Variants in NELL1 observed in about 807,000 individuals in gnomAD.
The protein encoded by NELL1 is protein kinase C-binding protein NELL1.
NELL1 carries 76 observed loss-of-function variants against 107.4 expected under a neutral mutation model. That is an observed-to-expected ratio of 0.71 (90% CI 0.59 to 0.86). The LOEUF (loss-of-function observed/expected upper bound fraction) is 0.86. Ranked by LOEUF, NELL1 falls within the 40% of genes least tolerant of loss-of-function variation. The pLI is 0.00. For missense variants in NELL1, 1,024 were observed against 1,005.5 expected (o/e 1.02, Z -0.25); for synonymous variants, 353 against 341.2 (o/e 1.03, Z -0.38).
At chr11:21,172,019 A>T (rs1230988182) in intron 13 of NELL1, among the ~76,000 whole-genome samples, 1 of 151,890 alleles carries the variant, frequency 6.6e-6, no homozygotes, top group Admixed American at 6.5e-5. Context: ...ACTTATGATT[A>T]TCTGGTTTTC....
intron 14 of NELL1, among the ~76,000 whole-genome samples, chr11:21,355,185 C>A (rs1018434189): frequency 6.6e-6 from 1 of 152,172 alleles, no homozygotes; most frequent in Non-Finnish European, 1.5e-5. Flanking sequence ...AATGTCCCAT[C>A]ATTTTCCTTG....
rs368022598 is a variant in NELL1, at chr11:21,542,092, A to C, written c.1786+7578A>C. ...AGATGTTATTTTCATTAACCGAACA[A>C]CTACATGATGTGCTAGACACAGAAC... On this transcript the variant is annotated intron_variant, in intron 16 of 19. Transcript: ENST00000357134. Among the ~76,000 whole-genome samples the C allele has an allele frequency of 4.9e-4, 74 of 152,186 alleles. No individual in the cohort carries two copies. The East Asian group carries it at 8.6e-3, about 18-fold the overall frequency.
chr11:20,800,958 A>C (rs1857270123), intron 3 of NELL1, among the ~76,000 whole-genome samples: 1 of 152,198 alleles, frequency 6.6e-6, no homozygotes. Flanking sequence ...ATTAAAAAAA[A>C]CAAACAAACC....
At chr11:21,021,116 A>G (rs1852690514) in intron 12 of NELL1, among the ~76,000 whole-genome samples, 1 of 151,954 alleles carries the variant, frequency 6.6e-6, no homozygotes, top group Non-Finnish European at 1.5e-5. Context: ...CCACAGAGAA[A>G]CAGAGATGAT....
intron 2 of NELL1, among the ~76,000 whole-genome samples, chr11:20,732,635 G>A (rs139898617): frequency 1.3e-5 from 2 of 152,266 alleles, no homozygotes; most frequent in Non-Finnish European, 2.9e-5. Context: ...GAAAGGCTGA[G>A]AAGTGGGGGA....
intron 2 of NELL1, among the ~76,000 whole-genome samples, chr11:20,771,496 G>T (rs1186556876): frequency 1.3e-5 from 2 of 152,160 alleles, no homozygotes; most frequent in Non-Finnish European, 2.9e-5. Flanking sequence ...TTTTCCTGTG[G>T]TTTGACATAT....
intron 14 of NELL1, among the ~76,000 whole-genome samples, chr11:21,261,393 A>C (rs1848528309): frequency 6.6e-6 from 1 of 151,542 alleles, no homozygotes; most frequent in Non-Finnish European, 1.5e-5. Context: ...TCCCCTCTAC[A>C]TGTCCTGTTG....
chr11:21,036,870 A>G (rs1853105771), intron 12 of NELL1, among the ~76,000 whole-genome samples: 2 of 152,118 alleles, frequency 1.3e-5, no homozygotes, highest in Admixed American at 6.6e-5. Context: ...TTTTAAAAAC[A>G]TGAAAAACAT....
intron 15 of NELL1, among the ~76,000 whole-genome samples, chr11:21,476,741 C>T (rs1461792133): frequency 6.6e-6 from 1 of 152,102 alleles, no homozygotes; most frequent in East Asian, 1.9e-4. Flanking sequence ...ACCCGTCCCT[C>T]ATCCCCAGGT....
intron 15 of NELL1, among the ~76,000 whole-genome samples, chr11:21,416,538 T>G (rs1344600706): frequency 6.6e-6 from 1 of 152,146 alleles, no homozygotes; most frequent in Non-Finnish European, 1.5e-5. Context: ...AAAACAAGAC[T>G]AGAATTCTTT....
intron 15 of NELL1, among the ~76,000 whole-genome samples, chr11:21,462,458 A>C (rs529362030): frequency 6.6e-6 from 1 of 152,076 alleles, no homozygotes; most frequent in African/African-American, 2.4e-5. Context: ...CCCCCTCTAC[A>C]ATGTGGCATT....
Position 21,017,764 on chromosome 11 carries a change from T to TGCAA in NELL1, c.1300+57204_1300+57205insGCAA, listed in dbSNP as rs1852602594. 3.9e-5 allele frequency among the ~76,000 whole-genome samples: 6 copies of TGCAA among 152,234 alleles called. No individual in the cohort carries two copies. In the South Asian group the frequency reaches 1.2e-3, roughly 32 times the overall value. On this transcript the variant is annotated intron_variant, in intron 12 of 19. Coordinates refer to ENST00000357134, the MANE Select transcript of NELL1 (RefSeq NM_006157.5). Reference sequence around the variant, plus strand: ...TCCATTCCTTATTTTATTAGAGGAATACTATTTCTAAATGCAAACTTGATC... The same window carrying TGCAA: ...TCCATTCCTTATTTTATTAGAGGAATGCAAACTATTTCTAAATGCAAACTTGATC...
intron 15 of NELL1, among the ~76,000 whole-genome samples, chr11:21,463,146 A>G (rs1853942467): frequency 6.6e-6 from 1 of 152,064 alleles, no homozygotes; most frequent in African/African-American, 2.4e-5. Context: ...GTCTCTATCC[A>G]GTGGTGAGAC....
Position 20,864,243 on chromosome 11 carries a change from T to C in NELL1, c.506+16490T>C, listed in dbSNP as rs910668606. On this transcript the variant is annotated intron_variant, in intron 4 of 19. Coordinates refer to ENST00000357134, the MANE Select transcript of NELL1 (RefSeq NM_006157.5). ...TAGAGCAGGCTGTTTGAAATATATA[T>C]ACATTGTGGAATGGTTAGAACTAGC... 4.6e-5 allele frequency among the ~76,000 whole-genome samples: 7 copies of C among 152,340 alleles called. No homozygotes were observed. In the South Asian group the frequency reaches 1.2e-3, roughly 27 times the overall value.
chr11:21,004,759 A>G (rs1279840596), intron 12 of NELL1, among the ~76,000 whole-genome samples: 1 of 152,114 alleles, frequency 6.6e-6, no homozygotes, highest in Non-Finnish European at 1.5e-5. Flanking sequence ...ATAAAATTAG[A>G]GTGGCAGCAT....
chr11:21,544,617 C>T (rs1856384884), intron 16 of NELL1, among the ~76,000 whole-genome samples: 1 of 151,908 alleles, frequency 6.6e-6, no homozygotes, highest in African/African-American at 2.4e-5. Context: ...CATTTCTTTA[C>T]TCACTTTATC....
At chr11:21,520,881 G>A (rs1564938001) in intron 15 of NELL1, among the ~76,000 whole-genome samples, 1 of 152,040 alleles carries the variant, frequency 6.6e-6, no homozygotes, top group Non-Finnish European at 1.5e-5. Context: ...ACATTTTTTG[G>A]TCTCTCATTT....
At chr11:21,486,917 G>A (rs1265081207) in intron 15 of NELL1, among the ~76,000 whole-genome samples, 2 of 151,916 alleles carry the variant, frequency 1.3e-5, no homozygotes, top group Non-Finnish European at 2.9e-5. Flanking sequence ...AATCTAGTCA[G>A]ACAAAAATAA....
At chr11:21,483,609 CA>C (rs1428245897) in intron 15 of NELL1, among the ~76,000 whole-genome samples, 14 of 151,922 alleles carry the variant, frequency 9.2e-5, no homozygotes, top group Non-Finnish European at 2.1e-4. Flanking sequence ...AAAATCTTTA[CA>C]CCTTTGGAGT....
Sources: gnomAD v4.1 joint callset for allele counts (sites outside exome capture counted in the v4.1 genomes callset) on GRCh38, gnomAD v4.1.1 for gene constraint, MANE v1.5 for transcripts, NCBI Gene and HGNC (gene_info 2026-07-23, HGNC 2026-07-21) for gene names.